ST3GAL3: variants seen among roughly 807,000 people sequenced by gnomAD.
ST3GAL3 encodes the protein ST3 beta-galactoside alpha-2,3-sialyltransferase 3.
ST3GAL3 carries 21 observed loss-of-function variants against 50.1 expected under a neutral mutation model. The ratio of observed to expected loss-of-function variants is 0.42; its 90% CI spans 0.30 to 0.60. The LOEUF (loss-of-function observed/expected upper bound fraction) is 0.60, where lower values mean the gene tolerates loss of function less well. ST3GAL3 is among the 20% of genes least tolerant of loss of function. The pLI, the probability that ST3GAL3 is intolerant of heterozygous loss-of-function variation, is 0.19. For synonymous variants in ST3GAL3, 183 were observed against 190.0 expected, an observed-to-expected ratio of 0.96 and a Z score of 0.30; for missense variants, 353 against 489.4, an observed-to-expected ratio of 0.72 and a Z score of 2.63.
chr1:43,921,213 C>T (rs1331418675), intron 11 of ST3GAL3, among the ~76,000 whole-genome samples: 1 of 152,186 alleles, frequency 6.6e-6, no homozygotes, highest in Non-Finnish European at 1.5e-5. Context: ...CAGCCATCCT[C>T]TCTACTGCAG....
At chr1:43,926,220 G>A (rs1427867293) in intron 11 of ST3GAL3, among the ~76,000 whole-genome samples, 1 of 152,208 alleles carries the variant, frequency 6.6e-6, no homozygotes, top group Non-Finnish European at 1.5e-5. Context: ...AGAGAGGACA[G>A]AGAGTGAGAA....
intron 5 of ST3GAL3, chr1:43,879,403 C>G (rs143370325): frequency 6.6e-6 from 3 of 456,130 alleles, no homozygotes; most frequent in African/African-American, 2.0e-5. Context: ...CTGGCCTCCT[C>G]GAGAGAATGG....
intron 3 of ST3GAL3, among the ~76,000 whole-genome samples, chr1:43,814,411 A>T (rs986119366): frequency 1.3e-5 from 2 of 152,172 alleles, no homozygotes; most frequent in Non-Finnish European, 2.9e-5. Context: ...TCTTTATGTA[A>T]TCTGATCTAC....
intron 5 of ST3GAL3, among the ~76,000 whole-genome samples, chr1:43,873,646 G>T (rs1245614202): frequency 6.6e-6 from 1 of 152,066 alleles, no homozygotes; most frequent in Non-Finnish European, 1.5e-5. Context: ...TTAGCTGGGT[G>T]TGGTGGTGCG....
At chr1:43,801,589 G>C (rs2059323675) in intron 3 of ST3GAL3, 1 of 297,356 alleles carries the variant, frequency 3.4e-6, no homozygotes, top group Non-Finnish European at 6.8e-6. Context: ...AAATAGGAGA[G>C]GACTTGGAGT....
At chr1:43,736,897 G>C in intron 2 of ST3GAL3, 1 of 220,768 alleles carries the variant, frequency 4.5e-6, no homozygotes, top group Non-Finnish European at 9.1e-6. Context: ...TACAATAATG[G>C]CTTATTTTCC....
intron 1 of ST3GAL3, among the ~76,000 whole-genome samples, chr1:43,725,598 T>G (rs1672578367): frequency 6.6e-6 from 1 of 152,212 alleles, no homozygotes; most frequent in African/African-American, 2.4e-5. Context: ...TTTATTTATC[T>G]TTTTCTGTCT....
At chr1:43,905,366 T>C (rs1404222191) in intron 9 of ST3GAL3, among the ~76,000 whole-genome samples, 59 of 67,970 alleles carry the variant, frequency 8.7e-4, no homozygotes, top group East Asian at 1.1e-3. Context: ...CCTCCTTCTG[T>C]TCCTCTTCCC....
intron 3 of ST3GAL3, among the ~76,000 whole-genome samples, chr1:43,795,597 G>A (rs7417619): frequency 6.6e-6 from 1 of 152,166 alleles, no homozygotes; most frequent in African/African-American, 2.4e-5. Flanking sequence ...AAAGCGCTGG[G>A]CATACCACAT....
At chr1:43,723,442 C>A (rs920818006) in intron 1 of ST3GAL3, among the ~76,000 whole-genome samples, 1 of 151,986 alleles carries the variant, frequency 6.6e-6, no homozygotes. Context: ...TATCTGCTCC[C>A]TTTCCGCTTC....
chr1:43,872,939 G>A (rs1558669657), intron 5 of ST3GAL3, among the ~76,000 whole-genome samples: 1 of 152,190 alleles, frequency 6.6e-6, no homozygotes, highest in Non-Finnish European at 1.5e-5. Context: ...CCAGGCAGAG[G>A]AAACAGCCAG....
rs1049342192 is a variant in ST3GAL3, at chr1:43,924,671, T to C, written c.1038+3743T>C. On this transcript the variant is annotated intron_variant, in intron 11 of 11. Coordinates refer to ENST00000347631, the MANE Select transcript of ST3GAL3 (RefSeq NM_006279.5). The stretch of plus-strand genomic sequence containing the variant: ...GAGATGGTAACTCCTGAACCAGATC[T>C]TTGGCTGAGACAATGAGAGGTGATG... Among the ~76,000 whole-genome samples, 4 of 152,312 alleles carry C rather than the reference T, an allele frequency of 2.6e-5. No homozygotes were observed. In the East Asian group the frequency reaches 7.7e-4, roughly 29 times the overall value.
intron 5 of ST3GAL3, among the ~76,000 whole-genome samples, chr1:43,843,266 C>A (rs192305242): frequency 6.6e-6 from 1 of 152,312 alleles, no homozygotes; most frequent in East Asian, 1.9e-4. Flanking sequence ...TTCCTAGTTT[C>A]TTGAGAGTGT....
intron 3 of ST3GAL3, among the ~76,000 whole-genome samples, chr1:43,796,747 A>G (rs2058724356): frequency 6.6e-6 from 1 of 152,262 alleles, no homozygotes; most frequent in South Asian, 2.1e-4. Context: ...TGCATGGGAA[A>G]AGTTAATCAA....
intron 5 of ST3GAL3, among the ~76,000 whole-genome samples, chr1:43,859,755 C>A (rs573017025): frequency 6.6e-6 from 1 of 152,286 alleles, no homozygotes; most frequent in East Asian, 1.9e-4. Flanking sequence ...AGCTCAGAAA[C>A]CAGCTCTGAT....
chr1:43,875,929 CTTCTTCTTCTTCTTCTTCTTCTTA>C (rs771031277), intron 5 of ST3GAL3, among the ~76,000 whole-genome samples: 14,714 of 83,984 alleles, frequency 0.18, 902 homozygotes, highest in Non-Finnish European at 0.21. Context: ...TCTTCTTCTT[CTTCTTCTTCTTCTTCTTCTTCTTA>C]TTATTATTAT....
intron 6 of ST3GAL3, among the ~76,000 whole-genome samples, chr1:43,895,100 G>A (rs771784396): frequency 6.6e-6 from 1 of 152,156 alleles, no homozygotes; most frequent in Admixed American, 6.5e-5. Flanking sequence ...ACACAGAAAA[G>A]GTGTGCTGTA....
intron 5 of ST3GAL3, among the ~76,000 whole-genome samples, chr1:43,857,469 C>CCT (rs1553396800): frequency 7.7e-6 from 1 of 129,330 alleles, no homozygotes; most frequent in Non-Finnish European, 1.7e-5. Context: ...GTGTATTTCC[C>CCT]TCCTTCCTTC....
At chr1:43,826,151 A>T (rs2062770451) in intron 4 of ST3GAL3, among the ~76,000 whole-genome samples, 1 of 151,954 alleles carries the variant, frequency 6.6e-6, no homozygotes, top group Non-Finnish European at 1.5e-5. Flanking sequence ...CCGTCTACTT[A>T]GTAGGTTGAG....
Sources: gnomAD v4.1 joint callset for allele counts (sites outside exome capture counted in the v4.1 genomes callset) on GRCh38, gnomAD v4.1.1 for gene constraint, MANE v1.5 for transcripts, NCBI Gene and HGNC (gene_info 2026-07-23, HGNC 2026-07-21) for gene names.